COG5: variants seen among roughly 807,000 people sequenced by gnomAD.
COG5 encodes component of oligomeric golgi complex 5, also known as conserved oligomeric Golgi complex subunit 5.
COG5 carries 86 observed loss-of-function variants against 110.4 expected under a neutral mutation model. The observed-to-expected ratio is 0.78, with a 90% CI of 0.65 to 0.93. The LOEUF (loss-of-function observed/expected upper bound fraction) is 0.93, where lower values mean the gene tolerates loss of function less well. Ranked by LOEUF, COG5 falls within the 40% of genes least tolerant of loss-of-function variation. COG5 has a pLI of 0.00. For synonymous variants in COG5, 360 were observed against 334.6 expected (o/e 1.08, Z -0.83); for missense variants, 1,077 against 987.0 (o/e 1.09, Z -1.22).
intron 19 of COG5, among the ~76,000 whole-genome samples, chr7:107,218,818 G>A (rs1799700975): frequency 1.3e-5 from 2 of 151,924 alleles, no homozygotes; most frequent in African/African-American, 4.8e-5. Context: ...TAACTTTTTG[G>A]ATTTGATCCC....
chr7:107,510,983 A>C (rs1799457587), intron 6 of COG5, among the ~76,000 whole-genome samples: 1 of 152,076 alleles, frequency 6.6e-6, no homozygotes, highest in Non-Finnish European at 1.5e-5. Context: ...CAATTAAAAG[A>C]ACTAGAAAAG....
chr7:107,478,074 T>C (rs749905350), intron 6 of COG5, among the ~76,000 whole-genome samples: 2 of 151,908 alleles, frequency 1.3e-5, no homozygotes, highest in Non-Finnish European at 2.9e-5. Context: ...AATTTCTACA[T>C]AGTTAATTGG....
chr7:107,260,445 G>A (rs1022331169), intron 14 of COG5, among the ~76,000 whole-genome samples: 1 of 152,110 alleles, frequency 6.6e-6, no homozygotes, highest in Non-Finnish European at 1.5e-5. Context: ...GTGCTAACTG[G>A]TATGAAGTTG....
At chr7:107,412,419 A>C in intron 7 of COG5, 83 bp downstream of exon 7, 1 of 1,297,162 alleles carries the variant, frequency 7.7e-7, no homozygotes, top group Non-Finnish European at 1.1e-6. Flanking sequence ...TAAGACATAT[A>C]TTACTTTTTT....
Position 107,474,462 on chromosome 7 carries a change from T to G in COG5, c.538+52775A>C, listed in dbSNP as rs1403332837. The stretch of plus-strand genomic sequence containing the variant: ...GTGTCTCAACAGCAATCAACGTTTT[T>G]GCTATCACTTTGGACAGATATGACA... On this transcript the variant is annotated intron_variant, in intron 6 of 21. Coordinates refer to ENST00000297135, the MANE Select transcript of COG5 (RefSeq NM_006348.5). The surrounding 1 kb of genome is among the most constrained non-coding windows in gnomAD (Gnocchi z 5.7). The G allele has an allele frequency of 1.2e-6, 2 of 1,613,334 alleles. No homozygotes were observed. Among genetic ancestry groups the G allele is most frequent in the African/African-American group, 2.7e-5 (2 of 74,882 alleles).
At chr7:107,279,351 T>C (rs769056639) in intron 14 of COG5, among the ~76,000 whole-genome samples, 2 of 152,256 alleles carry the variant, frequency 1.3e-5, no homozygotes, top group Non-Finnish European at 2.9e-5. Context: ...TTGAAAAGAA[T>C]CTCCTACTCA....
chr7:107,424,417 T>G (rs1793504769), intron 6 of COG5, among the ~76,000 whole-genome samples: 1 of 151,950 alleles, frequency 6.6e-6, no homozygotes, highest in Non-Finnish European at 1.5e-5. Context: ...TGTTGATGCT[T>G]TCTCAGGCCT....
chr7:107,464,704 A>T (rs774600207), intron 6 of COG5, among the ~76,000 whole-genome samples: 1 of 152,152 alleles, frequency 6.6e-6, no homozygotes, highest in Non-Finnish European at 1.5e-5. Context: ...GGATGCTAAC[A>T]TAAGATGTAA....
At position 107,554,404 on chromosome 7, in the gene COG5, A is replaced by G. The variant is rs1388847167; in HGVS notation, c.235-62T>C. On this transcript the variant is annotated intron_variant, in intron 2 of 21. Coordinates refer to ENST00000297135, the MANE Select transcript of COG5 (RefSeq NM_006348.5). ...TTAGGTATTCTTCCTTGTAACCACAATGTAGAATGGACAGTCTCTCTTGGT... is the reference window on the plus strand; with the variant it reads ...TTAGGTATTCTTCCTTGTAACCACAGTGTAGAATGGACAGTCTCTCTTGGT... 34 of 1,363,212 alleles carry G rather than the reference A, an allele frequency of 2.5e-5. No homozygotes were observed. The Admixed American group carries it at 5.8e-4, about 23-fold the overall frequency. The allele number at this position is 1,363,212 out of a possible 1,614,324, so 84.4% of individuals were successfully genotyped here.
chr7:107,245,158 T>G (rs1445865126), intron 17 of COG5, among the ~76,000 whole-genome samples: 3 of 152,212 alleles, frequency 2.0e-5, no homozygotes, highest in Admixed American at 2.0e-4. Context: ...TGATAAAATT[T>G]AACACTTCTT....
At chr7:107,320,771 T>G (rs1809194616) in intron 11 of COG5, among the ~76,000 whole-genome samples, 2 of 152,146 alleles carry the variant, frequency 1.3e-5, no homozygotes, top group South Asian at 4.1e-4. Flanking sequence ...AATGAGACCC[T>G]CTCCATAATT....
chr7:107,372,457 C>T, intron 8 of COG5, 138 bp downstream of exon 8: 2 of 813,874 alleles, frequency 2.5e-6, no homozygotes, highest in Non-Finnish European at 1.9e-6. Context: ...AATTCTGAAA[C>T]ATAATTTCTT....
intron 6 of COG5, among the ~76,000 whole-genome samples, chr7:107,445,656 T>C (rs529453540): frequency 2.0e-5 from 3 of 152,266 alleles, no homozygotes; most frequent in South Asian, 2.1e-4. Context: ...TTAGTGTAAA[T>C]AGAATCTTCT....
chr7:107,527,142 C>A (rs146678183), intron 6 of COG5, 95 bp downstream of exon 6: 2 of 1,150,400 alleles, frequency 1.7e-6, no homozygotes, highest in African/African-American at 1.6e-5. Flanking sequence ...TTTAATAGTA[C>A]TTGCTAATGG....
intron 5 of COG5, among the ~76,000 whole-genome samples, chr7:107,543,692 G>T (rs2129170143): frequency 6.6e-6 from 1 of 152,200 alleles, no homozygotes; most frequent in South Asian, 2.1e-4. Flanking sequence ...CCAAACACCA[G>T]GTCTGCCCCG....
At chr7:107,273,568 G>A (rs1404979086) in intron 14 of COG5, among the ~76,000 whole-genome samples, 3 of 152,084 alleles carry the variant, frequency 2.0e-5, no homozygotes, top group African/African-American at 4.8e-5. Flanking sequence ...GTAAAAAATT[G>A]ACTATGTAAT....
At chr7:107,378,371 G>GA (rs1199788235) in intron 7 of COG5, among the ~76,000 whole-genome samples, 2 of 152,100 alleles carry the variant, frequency 1.3e-5, no homozygotes, top group Non-Finnish European at 2.9e-5. Flanking sequence ...TTCTCTTCCA[G>GA]AAAATCACAA....
At chr7:107,206,304 A>G (rs540311627) in intron 21 of COG5, among the ~76,000 whole-genome samples, 2 of 152,334 alleles carry the variant, frequency 1.3e-5, no homozygotes, top group South Asian at 4.1e-4. Flanking sequence ...CTCAGCTCAC[A>G]TACCCAGTTT....
chr7:107,428,715 A>G (rs558588741), intron 6 of COG5, among the ~76,000 whole-genome samples: 8 of 152,310 alleles, frequency 5.3e-5, no homozygotes, highest in Admixed American at 1.3e-4. Context: ...TCTATCTTCA[A>G]TCAACCCCCA....
Sources: allele counts gnomAD v4.1 joint callset (sites outside exome capture counted in the v4.1 genomes callset), GRCh38; gene constraint gnomAD v4.1.1; non-coding constraint Gnocchi (gnomAD v3.1); transcripts MANE v1.5; gene names NCBI Gene and HGNC (gene_info 2026-07-23, HGNC 2026-07-21).